Variants in EML4 observed in about 807,000 individuals in gnomAD.
EML4 encodes echinoderm microtubule-associated protein-like 4.
EML4 carries 72 observed loss-of-function variants against 129.0 expected under a neutral mutation model. The ratio of observed to expected loss-of-function variants is 0.56; its 90% confidence interval spans 0.46 to 0.68. The LOEUF is 0.68. EML4 is among the 30% of genes least tolerant of loss of function. EML4 has a pLI of 0.00. For synonymous variants in EML4, 532 were observed against 405.0 expected (o/e 1.31, Z -3.77); for missense variants, 1,363 against 1,190.6 (o/e 1.14, Z -2.13).
intron 6 of EML4, among the ~76,000 whole-genome samples, chr2:42,278,070 C>G (rs76031243): frequency 0.014 from 2,189 of 152,294 alleles, 58 homozygotes; most frequent in African/African-American, 0.05. Context: ...GGTTCTAATG[C>G]TATTTTCATA....
At chr2:42,275,037 C>A (rs1224055436) in intron 6 of EML4, among the ~76,000 whole-genome samples, 4 of 152,190 alleles carry the variant, frequency 2.6e-5, no homozygotes, top group African/African-American at 9.7e-5. Flanking sequence ...CACCCGGTAA[C>A]TGGACTAGCC....
At chr2:42,324,976 T>TC (rs1395363270) in intron 19 of EML4, among the ~76,000 whole-genome samples, 1 of 152,192 alleles carries the variant, frequency 6.6e-6, no homozygotes, top group Non-Finnish European at 1.5e-5. Context: ...AGATAGTCTT[T>TC]CTAGGATACC....
chr2:42,268,508 A>G (rs959601198), intron 6 of EML4, among the ~76,000 whole-genome samples: 1 of 152,034 alleles, frequency 6.6e-6, no homozygotes, highest in Non-Finnish European at 1.5e-5. Context: ...CACGATCATA[A>G]CTCACTGCAG....
At chr2:42,260,124 C>A (rs926457506) in intron 3 of EML4, among the ~76,000 whole-genome samples, 8 of 151,740 alleles carry the variant, frequency 5.3e-5, no homozygotes, top group Admixed American at 1.3e-4. Flanking sequence ...CTTGGCCTCG[C>A]AAAGTACTGG....
chr2:42,228,424 C>G (rs1012286741), intron 1 of EML4, among the ~76,000 whole-genome samples: 1 of 152,084 alleles, frequency 6.6e-6, no homozygotes, highest in Non-Finnish European at 1.5e-5. Context: ...GGGTCTTTCT[C>G]TGCCTTCTTT....
chr2:42,315,931 G>C (rs1257549841), intron 17 of EML4, 31 bp from the exon 18 acceptor site: 7 of 1,502,372 alleles, frequency 4.7e-6, no homozygotes, highest in Non-Finnish European at 4.6e-6. Context: ...GCTAATATCT[G>C]AAGAAAATTT....
intron 1 of EML4, among the ~76,000 whole-genome samples, chr2:42,230,125 G>T (rs956205795): frequency 1.3e-5 from 2 of 152,070 alleles, no homozygotes; most frequent in Admixed American, 1.3e-4. Context: ...AAACTAATAA[G>T]TGTCTTTTTT....
chr2:42,225,493 A>G (rs1443385500), intron 1 of EML4, among the ~76,000 whole-genome samples: 3 of 152,170 alleles, frequency 2.0e-5, no homozygotes, highest in African/African-American at 7.2e-5. Flanking sequence ...TTGTAGGCCA[A>G]GTATATTTTC....
chr2:42,274,593 G>A (rs1264626656), intron 6 of EML4, among the ~76,000 whole-genome samples: 2 of 152,052 alleles, frequency 1.3e-5, no homozygotes, highest in African/African-American at 2.4e-5. Flanking sequence ...ATTTGTGAAC[G>A]ATTAATACTT....
chr2:42,319,044 C>T (rs777511474), intron 19 of EML4, among the ~76,000 whole-genome samples: 14 of 152,132 alleles, frequency 9.2e-5, no homozygotes, highest in African/African-American at 1.7e-4. Flanking sequence ...AAGTCCATAC[C>T]TTAATAAACA....
intron 6 of EML4, among the ~76,000 whole-genome samples, chr2:42,277,678 C>T (rs1666734290): frequency 6.6e-6 from 1 of 151,482 alleles, no homozygotes; most frequent in Non-Finnish European, 1.5e-5. Context: ...AAGCAATTCT[C>T]CTGCCTCAGC....
chr2:42,198,988 A>G (rs77774128), intron 1 of EML4, among the ~76,000 whole-genome samples: 2 of 152,208 alleles, frequency 1.3e-5, no homozygotes, highest in Admixed American at 6.5e-5. Context: ...AAAGTATTGC[A>G]GTGAGAGTGG....
intron 11 of EML4, chr2:42,289,356 G>T (rs900201348): frequency 1.3e-5 from 2 of 152,080 alleles, no homozygotes; most frequent in African/African-American, 2.4e-5. Flanking sequence ...TTAAATGTTG[G>T]TGTTCTTCAG....
chr2:42,298,068 G>A (rs141858749), intron 13 of EML4, among the ~76,000 whole-genome samples: 1 of 152,252 alleles, frequency 6.6e-6, no homozygotes, highest in East Asian at 1.9e-4. Context: ...CTTTTAAGTG[G>A]GTAAGTGGAA....
chr2:42,294,415 G>A (rs139877285), intron 11 of EML4, among the ~76,000 whole-genome samples: 73 of 152,344 alleles, frequency 4.8e-4, no homozygotes, highest in African/African-American at 1.8e-3. Flanking sequence ...TTTTGTTGAG[G>A]CTGGGCGCAA....
intron 1 of EML4, among the ~76,000 whole-genome samples, chr2:42,203,649 T>A (rs989007084): frequency 6.6e-6 from 1 of 151,232 alleles, no homozygotes; most frequent in African/African-American, 2.4e-5. Flanking sequence ...CCTTTTTTTT[T>A]TTTGTAGAAG....
chr2:42,282,687 C>T (rs772132236), intron 7 of EML4, 136 bp from the exon 8 acceptor site: 35 of 756,866 alleles, frequency 4.6e-5, no homozygotes, highest in South Asian at 2.0e-4. Context: ...GCACTCTGCC[C>T]GTCCAGGACA....
chr2:42,269,609 A>G (rs17029490), intron 6 of EML4, among the ~76,000 whole-genome samples: 23,560 of 152,128 alleles, frequency 0.15, 2,042 homozygotes, highest in South Asian at 0.29. Flanking sequence ...GTTAGGGAAG[A>G]CATTTCTGAT....
rs67460614 is a variant in EML4, at chr2:42,325,598, A to ATATT, written c.2242+48_2242+51dup. ...ATATATATATATATATGCTATGATT[A>ATATT]TATTTATATATATATATATATATAT... On this transcript the variant is annotated intron_variant, in intron 20 of 22. Coordinates refer to ENST00000318522, the MANE Select transcript of EML4 (RefSeq NM_019063.5). 3 of 130,782 alleles carry ATATT rather than the reference A, an allele frequency of 2.3e-5. No individual in the cohort carries two copies. In the South Asian group the frequency reaches 4.1e-4, roughly 18 times the overall value. The allele number at this position is 130,782 out of a possible 1,614,324, so 8.1% of individuals were successfully genotyped here.
Sources: allele counts gnomAD v4.1 joint callset (sites outside exome capture counted in the v4.1 genomes callset), GRCh38; gene constraint gnomAD v4.1.1; transcripts MANE v1.5; gene names NCBI Gene and HGNC (gene_info 2026-07-23, HGNC 2026-07-21).